ABL2: variants seen among roughly 807,000 people sequenced by gnomAD.
ABL2 encodes ABL proto-oncogene 2, non-receptor tyrosine kinase.
A neutral mutation model predicts 107.7 loss-of-function variants in ABL2; 49 were observed. That is an observed-to-expected ratio of 0.45 (90% confidence interval 0.36 to 0.58). The LOEUF is 0.58. Ranked by LOEUF, ABL2 falls within the 20% of genes least tolerant of loss-of-function variation. The pLI, the probability that ABL2 is intolerant of heterozygous loss-of-function variation, is 0.00. For synonymous variants in ABL2, 549 were observed against 548.6 expected (o/e 1.00, Z -0.01); for missense variants, 1,245 against 1,457.0 (o/e 0.85, Z 2.37).
chr1:179,181,758 C>A (rs1660385287), intron 1 of ABL2, among the ~76,000 whole-genome samples: 2 of 151,784 alleles, frequency 1.3e-5, no homozygotes, highest in Non-Finnish European at 2.9e-5. Flanking sequence ...TATCTTTGAA[C>A]TATCTTTTTT....
chr1:179,193,877 G>A (rs1435602031), intron 1 of ABL2, among the ~76,000 whole-genome samples: 1 of 152,020 alleles, frequency 6.6e-6, no homozygotes. Flanking sequence ...GACTACAGAC[G>A]CCCGCCACCA....
chr1:179,193,843 T>C (rs1571291347), intron 1 of ABL2, among the ~76,000 whole-genome samples: 1 of 152,328 alleles, frequency 6.6e-6, no homozygotes, highest in African/African-American at 2.4e-5. Flanking sequence ...GCCATTCTCC[T>C]GCCTCAGCCT....
intron 1 of ABL2, among the ~76,000 whole-genome samples, chr1:179,138,091 G>A (rs1657211824): frequency 1.3e-5 from 2 of 152,234 alleles, no homozygotes; most frequent in South Asian, 2.1e-4. Flanking sequence ...AAAACAGCTG[G>A]GGTGTTTTAA....
intron 1 of ABL2, among the ~76,000 whole-genome samples, chr1:179,194,409 A>T (rs1420512072): frequency 2.6e-5 from 4 of 152,244 alleles, no homozygotes; most frequent in African/African-American, 9.6e-5. Context: ...TGCTTCCTAA[A>T]GAGCCAGGGG....
intron 1 of ABL2, among the ~76,000 whole-genome samples, chr1:179,164,965 T>G (rs1391878303): frequency 6.6e-6 from 1 of 152,160 alleles, no homozygotes; most frequent in Non-Finnish European, 1.5e-5. Flanking sequence ...AGGCAAGAGA[T>G]GAACAATAAA....
intron 1 of ABL2, among the ~76,000 whole-genome samples, chr1:179,139,378 C>G (rs972956367): frequency 6.6e-6 from 1 of 152,064 alleles, no homozygotes; most frequent in Non-Finnish European, 1.5e-5. Flanking sequence ...ACGAACTCAC[C>G]AGAAGGAAGA....
chr1:179,153,821 T>C (rs539673830), intron 1 of ABL2, among the ~76,000 whole-genome samples: 7 of 152,192 alleles, frequency 4.6e-5, no homozygotes, highest in Admixed American at 1.3e-4. Flanking sequence ...GATTAACAGA[T>C]TGCCTGATTC....
At chr1:179,194,898 A>T (rs1309595970) in intron 1 of ABL2, among the ~76,000 whole-genome samples, 2 of 152,196 alleles carry the variant, frequency 1.3e-5, no homozygotes, top group Non-Finnish European at 2.9e-5. Context: ...TGGGCAAAGG[A>T]CTTAAAAATT....
chr1:179,117,129 C>G (rs1228872645), intron 8 of ABL2: 11 of 599,614 alleles, frequency 1.8e-5, no homozygotes, highest in Non-Finnish European at 3.2e-5. Flanking sequence ...GCCACCACAC[C>G]AGGCCTATAC....
At chr1:179,170,983 C>T (rs540302379) in intron 1 of ABL2, among the ~76,000 whole-genome samples, 3 of 152,268 alleles carry the variant, frequency 2.0e-5, no homozygotes, top group South Asian at 4.1e-4. Flanking sequence ...GGATTACAGG[C>T]GTGAGCCACC....
chr1:179,188,560 T>C (rs929924236), intron 1 of ABL2, among the ~76,000 whole-genome samples: 7 of 151,774 alleles, frequency 4.6e-5, no homozygotes, highest in Non-Finnish European at 1.0e-4. Context: ...AAAAATAAAA[T>C]TAAAACAGCA....
At position 179,126,706 on chromosome 1, in the gene ABL2, G is replaced by T. The variant is rs372043437; in HGVS notation, c.392-34C>A. 1 of 1,569,418 alleles carries T rather than the reference G, an allele frequency of 6.4e-7. No individual in the cohort carries two copies. The highest frequency in any genetic ancestry group is 2.3e-5 in the East Asian group (1 of 44,234). Reference sequence around the variant, plus strand: ...AAGGTCATCACAGGATGAAAGAAACGATGTTAAGACTTTATTTCAACTGAA... The same window carrying T: ...AAGGTCATCACAGGATGAAAGAAACTATGTTAAGACTTTATTTCAACTGAA... On this transcript the variant is annotated intron_variant, in intron 3 of 11. Coordinates refer to ENST00000502732, the MANE Select transcript of ABL2 (RefSeq NM_007314.4). This position sits in a 1 kb window ranked among gnomAD's most constrained non-coding sequence, Gnocchi z 4.4.
chr1:179,229,430 A>AC lies in ABL2; in HGVS notation c.-34dup. On this transcript the variant is annotated 5_prime_UTR_variant, in exon 1 of 12. Transcript: ENST00000502732. ...CTCGCGTACTCCCGCGCCCCCGCCGACCCCTGGTCACATTCCTCCTCGGCT... is the reference window on the plus strand; with the variant it reads ...CTCGCGTACTCCCGCGCCCCCGCCGACCCCCTGGTCACATTCCTCCTCGGCT... 7.0e-7 allele frequency: 1 copy of AC among 1,431,272 alleles called. No homozygotes were observed. Among genetic ancestry groups the AC allele is most frequent in the Non-Finnish European group, 9.1e-7 (1 of 1,100,852 alleles). 88.7% of individuals were successfully genotyped at this position (1,431,272 alleles called of 1,614,324 possible).
chr1:179,109,285 T>C lies in ABL2; in HGVS notation c.1982A>G (p.Asn661Ser). The change falls in exon 12 of 12, where the codon AAT becomes AGT. Residue 661 changes from asparagine to serine, a missense_variant. By Grantham distance (46) the Asn-to-Ser change is conservative. Coordinates refer to ENST00000502732, the MANE Select transcript of ABL2 (RefSeq NM_007314.4). ...GFFSSFMKKR[N>S]APTPPKRSSS... The stretch of plus-strand genomic sequence containing the variant: ...GCTGCGTTTGGGGGGTGTAGGAGCA[T>C]TTCTCTTCTTCATGAAGGAGCTGAA... The C allele has an allele frequency of 6.2e-7, 1 of 1,614,026 alleles. No individual in the cohort carries two copies. Among genetic ancestry groups the C allele is most frequent in the Non-Finnish European group, 8.5e-7 (1 of 1,180,002 alleles).
chr1:179,183,846 C>T (rs1660527247), intron 1 of ABL2: 1 of 189,784 alleles, frequency 5.3e-6, no homozygotes, highest in South Asian at 1.1e-4. Context: ...GCAGCATGGC[C>T]CCTAAATGCT....
At chr1:179,143,789 C>T (rs1323116172) in intron 1 of ABL2, among the ~76,000 whole-genome samples, 2 of 152,186 alleles carry the variant, frequency 1.3e-5, no homozygotes, top group Admixed American at 6.5e-5. Flanking sequence ...CTCTACCTCA[C>T]GGGTTCAAGT....
At chr1:179,154,848 G>A (rs1158213033) in intron 1 of ABL2, among the ~76,000 whole-genome samples, 1 of 152,180 alleles carries the variant, frequency 6.6e-6, no homozygotes, top group African/African-American at 2.4e-5. Flanking sequence ...ATTTGGGAAA[G>A]ACTCATCTTT....
At chr1:179,221,681 T>C (rs183370648) in intron 1 of ABL2, 75 of 213,778 alleles carry the variant, frequency 3.5e-4, no homozygotes, top group African/African-American at 1.5e-3. Context: ...CAGACACTTA[T>C]GTGTTCATCA....
intron 11 of ABL2, among the ~76,000 whole-genome samples, chr1:179,110,075 A>C (rs1335800483): frequency 6.6e-6 from 1 of 152,194 alleles, no homozygotes; most frequent in Non-Finnish European, 1.5e-5. Context: ...AAGATGATAC[A>C]TACTTGGGAA....
Sources: allele counts gnomAD v4.1 joint callset (sites outside exome capture counted in the v4.1 genomes callset), GRCh38; gene constraint gnomAD v4.1.1; non-coding constraint Gnocchi (gnomAD v3.1); transcripts MANE v1.5; gene names NCBI Gene and HGNC (gene_info 2026-07-23, HGNC 2026-07-21).